Variants in MARCHF1 observed in about 807,000 individuals in gnomAD.
MARCHF1 encodes the protein E3 ubiquitin-protein ligase MARCHF1.
Under a neutral mutation model 54.2 loss-of-function variants are expected in MARCHF1, and 40 were observed. The observed-to-expected ratio is 0.74, with a 90% CI of 0.57 to 0.96. The LOEUF (loss-of-function observed/expected upper bound fraction) is 0.96, where lower values mean the gene tolerates loss of function less well. MARCHF1 is among the 40% of genes least tolerant of loss of function. MARCHF1 has a pLI of 0.00. For missense variants in MARCHF1, 586 were observed against 656.5 expected (o/e 0.89, Z 1.17); for synonymous variants, 236 against 236.3 (o/e 1.00, Z 0.01).
intron 2 of MARCHF1, among the ~76,000 whole-genome samples, chr4:164,030,469 C>T (rs2110990821): frequency 6.6e-6 from 1 of 152,274 alleles, no homozygotes; most frequent in East Asian, 1.9e-4. Flanking sequence ...CTTTTGCATT[C>T]TGCTTCAAGA....
At chr4:163,642,129 T>C (rs1204944184) in intron 5 of MARCHF1, among the ~76,000 whole-genome samples, 3 of 152,222 alleles carry the variant, frequency 2.0e-5, no homozygotes, top group Non-Finnish European at 4.4e-5. Flanking sequence ...GATAAATTAC[T>C]CAACACATTT....
At chr4:164,001,592 G>A (rs1358998779) in intron 2 of MARCHF1, among the ~76,000 whole-genome samples, 1 of 151,834 alleles carries the variant, frequency 6.6e-6, no homozygotes, top group African/African-American at 2.4e-5. Context: ...CATGATTCCT[G>A]AAAGTGGGAA....
At chr4:164,193,624 T>C (rs539589281) in intron 1 of MARCHF1, among the ~76,000 whole-genome samples, 77 of 152,270 alleles carry the variant, frequency 5.1e-4, no homozygotes, top group African/African-American at 1.7e-3. Context: ...GCATTGACAA[T>C]CCAATGGATG....
At chr4:163,784,600 T>C (rs1747563797) in intron 4 of MARCHF1, among the ~76,000 whole-genome samples, 1 of 152,076 alleles carries the variant, frequency 6.6e-6, no homozygotes, top group Admixed American at 6.6e-5. Context: ...TGTTTCTACC[T>C]ATGCCATTGA....
chr4:163,742,787 G>C (rs1746247167), intron 4 of MARCHF1, among the ~76,000 whole-genome samples: 1 of 152,124 alleles, frequency 6.6e-6, no homozygotes, highest in Non-Finnish European at 1.5e-5. Context: ...CAAAGATTCT[G>C]AATCTAAGAT....
At chr4:164,196,982 C>T (rs761638710) in intron 1 of MARCHF1, 2 of 1,603,616 alleles carry the variant, frequency 1.2e-6, no homozygotes, top group South Asian at 2.2e-5. Context: ...ACTTAGTCAT[C>T]ATCTTCTCCC....
intron 5 of MARCHF1, among the ~76,000 whole-genome samples, chr4:163,652,157 C>CT (rs1010977994): frequency 1.3e-5 from 2 of 151,736 alleles, no homozygotes; most frequent in Admixed American, 6.6e-5. Context: ...GTCTCTTGGG[C>CT]TTTTTTAGAT....
At chr4:164,313,249 T>G (rs1248145820) in intron 1 of MARCHF1, among the ~76,000 whole-genome samples, 1 of 146,734 alleles carries the variant, frequency 6.8e-6, no homozygotes, top group Non-Finnish European at 1.5e-5. Flanking sequence ...CTCAGGAAGC[T>G]GAGGCAGGAG....
chr4:163,787,269 A>G (rs1747648600), intron 4 of MARCHF1, among the ~76,000 whole-genome samples: 1 of 151,816 alleles, frequency 6.6e-6, no homozygotes, highest in Non-Finnish European at 1.5e-5. Flanking sequence ...ATCAAAATGG[A>G]CAATCAACAA....
In MARCHF1 at chr4:164,305,358, T is replaced by C. The variant is rs541768116; in HGVS notation, c.-323+78512A>G. 6.6e-5 allele frequency among the ~76,000 whole-genome samples: 10 copies of C among 152,276 alleles called. No individual in the cohort carries two copies. In the South Asian group the frequency reaches 1.9e-3, roughly 28 times the overall value. On this transcript the variant is annotated intron_variant, in intron 1 of 9. Coordinates refer to ENST00000514618, the MANE Select transcript of MARCHF1 (RefSeq NM_001394959.1). ...GTTCAAGATAAAGGGCATTTAAGCTTAAATCTAACTTCTAAAGAAGTAGGA... is the reference window on the plus strand; with the variant it reads ...GTTCAAGATAAAGGGCATTTAAGCTCAAATCTAACTTCTAAAGAAGTAGGA...
At chr4:164,283,613 C>A (rs946622080) in intron 1 of MARCHF1, among the ~76,000 whole-genome samples, 1 of 150,926 alleles carries the variant, frequency 6.6e-6, no homozygotes, top group African/African-American at 2.4e-5. Context: ...TCAGGAAAGT[C>A]CTGGAAACTC....
At chr4:164,328,923 T>G (rs1735354787) in intron 1 of MARCHF1, among the ~76,000 whole-genome samples, 1 of 152,190 alleles carries the variant, frequency 6.6e-6, no homozygotes, top group Non-Finnish European at 1.5e-5. Flanking sequence ...GATTCCTAGT[T>G]TAAGCATTCC....
At chr4:164,243,314 G>A (rs1354461038) in intron 1 of MARCHF1, among the ~76,000 whole-genome samples, 1 of 140,642 alleles carries the variant, frequency 7.1e-6, no homozygotes, top group East Asian at 2.1e-4. Context: ...AGAGAGTGGG[G>A]GCCAATATTC....
intron 1 of MARCHF1, among the ~76,000 whole-genome samples, chr4:164,346,452 A>G (rs1730099700): frequency 6.6e-6 from 1 of 151,984 alleles, no homozygotes; most frequent in South Asian, 2.1e-4. Flanking sequence ...CTGATTGCAT[A>G]TACTTAGTCT....
intron 8 of MARCHF1, among the ~76,000 whole-genome samples, chr4:163,582,238 T>A (rs1291413242): frequency 6.6e-6 from 1 of 152,194 alleles, no homozygotes; most frequent in Non-Finnish European, 1.5e-5. Flanking sequence ...CCCTCAGAAT[T>A]ATTTCTGACC....
At chr4:164,342,655 T>C (rs943226124) in intron 1 of MARCHF1, among the ~76,000 whole-genome samples, 3 of 152,114 alleles carry the variant, frequency 2.0e-5, no homozygotes, top group African/African-American at 4.8e-5. Flanking sequence ...TGAAGAGATA[T>C]CTGAACTCCT....
At chr4:164,119,403 C>G (rs187302985) in intron 1 of MARCHF1, among the ~76,000 whole-genome samples, 8 of 146,808 alleles carry the variant, frequency 5.4e-5, no homozygotes, top group African/African-American at 1.5e-4. Flanking sequence ...TAAAGAAATA[C>G]AAATAATAAA....
chr4:163,755,110 G>A (rs1447424741), intron 4 of MARCHF1, among the ~76,000 whole-genome samples: 3 of 152,136 alleles, frequency 2.0e-5, no homozygotes, highest in African/African-American at 7.2e-5. Flanking sequence ...AGAGGCAGGA[G>A]ATACTGCTAA....
chr4:164,102,158 G>T (rs531656845), intron 2 of MARCHF1, among the ~76,000 whole-genome samples: 2,673 of 104,322 alleles, frequency 0.026, 30 homozygotes, highest in Middle Eastern at 0.12. Context: ...TGAAAGTGAT[G>T]GGGAGAATGG....
Sources: allele counts gnomAD v4.1 joint callset (sites outside exome capture counted in the v4.1 genomes callset), GRCh38; gene constraint gnomAD v4.1.1; transcripts MANE v1.5; gene names NCBI Gene and HGNC (gene_info 2026-07-23, HGNC 2026-07-21).